Variants in PTPRD observed in about 807,000 individuals in gnomAD.
PTPRD encodes protein tyrosine phosphatase receptor type D.
In PTPRD, 34 loss-of-function variants were observed where a neutral mutation model predicts 214.5. That is an observed-to-expected ratio of 0.16 (90% CI 0.12 to 0.21). PTPRD has a LOEUF of 0.21. PTPRD is among the 10% of genes least tolerant of loss of function. The pLI is 1.00. For missense variants in PTPRD, 2,545 were observed against 2,398.7 expected, an observed-to-expected ratio of 1.06 and a Z score of -1.27; for synonymous variants, 1,128 against 845.7, an observed-to-expected ratio of 1.33 and a Z score of -5.79.
intron 8 of PTPRD, among the ~76,000 whole-genome samples, chr9:9,511,891 C>A (rs1001969952): frequency 2.6e-5 from 4 of 151,648 alleles, no homozygotes; most frequent in African/African-American, 7.3e-5. Context: ...TAAGGATGAG[C>A]AAATTTTTCA....
chr9:10,496,967 A>G lies in PTPRD; in HGVS notation c.-600+115431T>C, dbSNP rs558424009. 3.9e-5 allele frequency among the ~76,000 whole-genome samples: 6 copies of G among 152,138 alleles called. No individual in the cohort carries two copies. In the East Asian group the frequency reaches 7.7e-4, roughly 20 times the overall value. On this transcript the variant is annotated intron_variant, in intron 2 of 45. Coordinates refer to ENST00000381196, the MANE Select transcript of PTPRD (RefSeq NM_002839.4). Reference sequence around the variant, plus strand: ...CAGAAGCATGAAATACTACACAGCCATAAAAAAGAATGGAATAATGTCCTT... The same window carrying G: ...CAGAAGCATGAAATACTACACAGCCGTAAAAAAGAATGGAATAATGTCCTT...
chr9:8,966,382 G>C (rs1445805377), intron 11 of PTPRD, among the ~76,000 whole-genome samples: 3 of 151,382 alleles, frequency 2.0e-5, no homozygotes, highest in Admixed American at 2.0e-4. Context: ...AAACAGCATG[G>C]TACTGGCACA....
chr9:9,946,864 T>C (rs958434850), intron 4 of PTPRD, among the ~76,000 whole-genome samples: 21 of 152,108 alleles, frequency 1.4e-4, no homozygotes, highest in African/African-American at 4.8e-4. Flanking sequence ...TATGCTTTAA[T>C]TGAAGTGCAA....
chr9:9,029,978 C>G (rs2154375706), intron 10 of PTPRD, among the ~76,000 whole-genome samples: 1 of 151,874 alleles, frequency 6.6e-6, no homozygotes, highest in Non-Finnish European at 1.5e-5. Flanking sequence ...GAGCCAGGAA[C>G]TGAACCATGG....
At chr9:10,108,162 T>C (rs1457699352) in intron 3 of PTPRD, among the ~76,000 whole-genome samples, 2 of 152,058 alleles carry the variant, frequency 1.3e-5, no homozygotes, top group Non-Finnish European at 2.9e-5. Context: ...TGTTATATTG[T>C]TTTCTTTTCT....
At chr9:10,460,914 C>A (rs984656053) in intron 2 of PTPRD, among the ~76,000 whole-genome samples, 1 of 152,048 alleles carries the variant, frequency 6.6e-6, no homozygotes, top group South Asian at 2.1e-4. Flanking sequence ...TAAAAAGTTT[C>A]TTCTCAGCAA....
intron 11 of PTPRD, among the ~76,000 whole-genome samples, chr9:8,857,945 C>T (rs2097972705): frequency 1.3e-5 from 2 of 148,538 alleles, no homozygotes; most frequent in African/African-American, 5.0e-5. Flanking sequence ...CCTTTTCCTC[C>T]TCCTCCGCCT....
intron 12 of PTPRD, among the ~76,000 whole-genome samples, chr9:8,695,568 T>A (rs2097895189): frequency 6.6e-6 from 1 of 152,064 alleles, no homozygotes; most frequent in Non-Finnish European, 1.5e-5. Context: ...TTCCAAGGAG[T>A]CATTCTCATT....
intron 27 of PTPRD, among the ~76,000 whole-genome samples, chr9:8,491,001 T>G (rs1002831975): frequency 6.6e-6 from 1 of 152,212 alleles, no homozygotes; most frequent in Non-Finnish European, 1.5e-5. Flanking sequence ...TTTAATACAG[T>G]AGACAAAACA....
rs995319192 is a variant in PTPRD, at chr9:8,486,067, A to T, written c.2750T>A (p.Val917Glu). ...AAGGTTTTGAGGGAATCCAGTTGGTACTTCTTCTGGAATGGAAATCTCCTT... is the reference window on the plus strand; with the variant it reads ...AAGGTTTTGAGGGAATCCAGTTGGTTCTTCTTCTGGAATGGAAATCTCCTT... ...MVKEISIPEE[V>E]PTGFPQNLHS... The change falls in exon 28 of 46, where the codon GTA becomes GAA. Residue 917 changes from valine (V) to glutamate (E), a missense_variant. Transcript: ENST00000381196. 2.5e-6 allele frequency: 4 copies of T among 1,614,022 alleles called. No homozygotes were observed. The East Asian group carries it at 8.9e-5, about 36-fold the overall frequency.
At chr9:10,410,542 T>A (rs919846118) in intron 2 of PTPRD, among the ~76,000 whole-genome samples, 1 of 151,392 alleles carries the variant, frequency 6.6e-6, no homozygotes, top group Non-Finnish European at 1.5e-5. Context: ...TTTAGGGACA[T>A]TGATACACAC....
At chr9:8,719,230 T>C (rs1010766589) in intron 12 of PTPRD, among the ~76,000 whole-genome samples, 12 of 152,292 alleles carry the variant, frequency 7.9e-5, no homozygotes, top group African/African-American at 2.2e-4. Context: ...CAATTTGAAA[T>C]GGCACTAACA....
chr9:8,522,327 T>C (rs1282903984), intron 19 of PTPRD, among the ~76,000 whole-genome samples: 2 of 151,512 alleles, frequency 1.3e-5, no homozygotes, highest in East Asian at 1.9e-4. Context: ...GAAATAAACG[T>C]GAAAGGGGGA....
At chr9:9,149,143 G>A (rs2099873551) in intron 10 of PTPRD, among the ~76,000 whole-genome samples, 2 of 152,274 alleles carry the variant, frequency 1.3e-5, no homozygotes, top group Non-Finnish European at 2.9e-5. Context: ...ATAACCTTGA[G>A]CAAGGTATAA....
chr9:8,795,141 A>G (rs944871495), intron 11 of PTPRD, among the ~76,000 whole-genome samples: 3 of 151,668 alleles, frequency 2.0e-5, no homozygotes, highest in Admixed American at 1.3e-4. Flanking sequence ...AGTATCATCC[A>G]CCCCTATGTT....
intron 9 of PTPRD, among the ~76,000 whole-genome samples, chr9:9,217,193 A>G (rs2099952854): frequency 6.6e-6 from 1 of 152,012 alleles, no homozygotes; most frequent in South Asian, 2.1e-4. Flanking sequence ...TCTCTTCCTA[A>G]TGTTGGGGAT....
intron 8 of PTPRD, among the ~76,000 whole-genome samples, chr9:9,497,065 T>C (rs35995013): frequency 0.11 from 17,083 of 152,154 alleles, 999 homozygotes; most frequent in South Asian, 0.17. Context: ...AGACAAAGCA[T>C]GCTTATTGTT....
At chr9:9,991,694 T>C (rs1368364292) in intron 4 of PTPRD, among the ~76,000 whole-genome samples, 1 of 152,066 alleles carries the variant, frequency 6.6e-6, no homozygotes, top group Non-Finnish European at 1.5e-5. Context: ...CAGTGCACAG[T>C]CAAGTCATAG....
chr9:10,224,270 C>T (rs375946988), intron 3 of PTPRD, among the ~76,000 whole-genome samples: 108 of 151,718 alleles, frequency 7.1e-4, no homozygotes, highest in East Asian at 6.6e-3. Flanking sequence ...ATTACACATG[C>T]GCAGATTAGT....
Sources: allele counts gnomAD v4.1 joint callset (sites outside exome capture counted in the v4.1 genomes callset), GRCh38; gene constraint gnomAD v4.1.1; transcripts MANE v1.5; gene names NCBI Gene and HGNC (gene_info 2026-07-23, HGNC 2026-07-21).